The following KPNA6 variants were observed in gnomAD, a reference collection of about 807,000 sequenced individuals.
KPNA6 encodes importin subunit alpha-7.
In KPNA6, 9 loss-of-function variants were observed where a neutral mutation model predicts 72.0. That is an observed-to-expected ratio of 0.13 (90% CI 0.08 to 0.22). The LOEUF is 0.22. Ranked by LOEUF, KPNA6 falls within the 10% of genes least tolerant of loss-of-function variation. The pLI is 1.00. For synonymous variants in KPNA6, 219 were observed against 242.1 expected (o/e 0.90, Z 0.89); for missense variants, 374 against 655.7 (o/e 0.57, Z 4.69).
chr1:32,146,266 T>C (rs1641928276), intron 1 of KPNA6, among the ~76,000 whole-genome samples: 1 of 152,226 alleles, frequency 6.6e-6, no homozygotes, highest in African/African-American at 2.4e-5. Context: ...TTTTCTGCAC[T>C]TCTGTCAGAA....
intron 1 of KPNA6, among the ~76,000 whole-genome samples, chr1:32,137,694 T>C (rs973165809): frequency 1.3e-5 from 2 of 151,882 alleles, no homozygotes; most frequent in African/African-American, 4.8e-5. Flanking sequence ...AAGTGAGAGG[T>C]GATGAGGGTG....
intron 1 of KPNA6, among the ~76,000 whole-genome samples, chr1:32,135,768 A>G (rs1028726869): frequency 6.6e-5 from 10 of 151,276 alleles, no homozygotes; most frequent in African/African-American, 2.4e-4. Context: ...ATGCCTGGCC[A>G]TAGAGTTATG....
chr1:32,163,578 A>G (rs1266788057), intron 10 of KPNA6, among the ~76,000 whole-genome samples: 1 of 152,212 alleles, frequency 6.6e-6, no homozygotes, highest in Non-Finnish European at 1.5e-5. Flanking sequence ...GAATAACTGG[A>G]CTTACCACCT....
At chr1:32,124,730 C>T (rs951577324) in intron 1 of KPNA6, among the ~76,000 whole-genome samples, 32 of 151,782 alleles carry the variant, frequency 2.1e-4, no homozygotes, top group African/African-American at 7.5e-4. Flanking sequence ...TGGTCTCAGA[C>T]TCCTGAGCTC....
chr1:32,156,916 A>G lies in KPNA6; in HGVS notation c.202A>G (p.Met68Val). 1 of 1,613,996 alleles carries G rather than the reference A, an allele frequency of 6.2e-7. No homozygotes were observed. The highest frequency in any genetic ancestry group is 8.5e-7 in the Non-Finnish European group (1 of 1,179,864). Residue 68 changes from methionine to valine, a missense_variant, in exon 3 of 14, where the codon ATG (methionine) becomes GTG (valine). Physicochemically the swap from Met to Val is conservative, Grantham distance 21. Around this residue, in one of 3 missense-constraint regions of KPNA6, gnomAD observed 298 missense variants for 495.4 expected, o/e 0.60. Coordinates refer to ENST00000373625, the MANE Select transcript of KPNA6 (RefSeq NM_012316.5). ...EEAAMFDSLL[M>V]DSYVSSTTGE... The stretch of plus-strand genomic sequence containing the variant: ...AGCTGCCATGTTCGATAGTCTTCTC[A>G]TGGACTCTTATGTGAGCTCTACCAC...
intron 4 of KPNA6, among the ~76,000 whole-genome samples, chr1:32,157,932 CA>C (rs1642172866): frequency 1.3e-5 from 2 of 152,090 alleles, no homozygotes; most frequent in East Asian, 3.9e-4. Context: ...ATAGTCTTCC[CA>C]AGAAGAGAGT....
At chr1:32,152,724 A>G (rs1049984212) in intron 1 of KPNA6, among the ~76,000 whole-genome samples, 2 of 152,150 alleles carry the variant, frequency 1.3e-5, no homozygotes, top group Non-Finnish European at 2.9e-5. Flanking sequence ...GGGCGCCTGT[A>G]GTCCCAGCTA....
At chr1:32,130,019 T>A (rs1402904446) in intron 1 of KPNA6, among the ~76,000 whole-genome samples, 1 of 152,172 alleles carries the variant, frequency 6.6e-6, no homozygotes, top group Non-Finnish European at 1.5e-5. Flanking sequence ...CTGCAAGTTA[T>A]GCCTCAGTTT....
rs763008502 is a variant in KPNA6, at chr1:32,142,255, CAAAAAAAAA to C, written c.5-12315_5-12307del. The stretch of plus-strand genomic sequence containing the variant: ...TGGGTGACAGAGCGAGACCCTGTCT[CAAAAAAAAA>C]AAAAAAAAAAAAAAAAAGTTGTCAG... On this transcript the variant is annotated intron_variant, in intron 1 of 13. Transcript: ENST00000373625. Among the ~76,000 whole-genome samples the C allele has an allele frequency of 8.4e-3, 464 of 55,300 alleles. 2 individuals are homozygous for C. The highest frequency in any genetic ancestry group is 0.012 in the Non-Finnish European group (362 of 30,020). 36.3% of individuals were successfully genotyped at this position (55,300 alleles called of 152,430 possible).
intron 1 of KPNA6, among the ~76,000 whole-genome samples, chr1:32,137,170 T>TCC (rs1641748787): frequency 6.6e-6 from 1 of 152,054 alleles, no homozygotes; most frequent in East Asian, 1.9e-4. Context: ...GCATTCATCT[T>TCC]CCCCCACTTT....
chr1:32,126,086 T>C (rs1374411593), intron 1 of KPNA6, among the ~76,000 whole-genome samples: 3 of 151,836 alleles, frequency 2.0e-5, no homozygotes, highest in Admixed American at 6.6e-5. Context: ...GGGTCTTGCT[T>C]AGTTGCCTAG....
chr1:32,149,440 G>A lies in KPNA6; in HGVS notation c.5-5148G>A, dbSNP rs1334710216. On this transcript the variant is annotated intron_variant, in intron 1 of 13. Transcript: ENST00000373625. ...AGGGTCTCCCTATGTTGCCCAGGAT[G>A]GTCTCTAACTCCTGGCCTCAGGCAG... Among the ~76,000 whole-genome samples, 6 of 152,038 alleles carry A rather than the reference G, an allele frequency of 3.9e-5. No individual in the cohort carries two copies. In the East Asian group the frequency reaches 1.2e-3, roughly 29 times the overall value.
At chr1:32,167,343 C>T in intron 12 of KPNA6, 47 bp downstream of exon 12, 1 of 1,610,868 alleles carries the variant, frequency 6.2e-7, no homozygotes, top group Non-Finnish European at 8.5e-7. Flanking sequence ...GGATGCTCTC[C>T]CTGTTTGCTC....
Position 32,170,979 on chromosome 1 carries a change from C to G in KPNA6, c.*85C>G, listed in dbSNP as rs947826256. On this transcript the variant is annotated 3_prime_UTR_variant, in exon 14 of 14. Coordinates refer to ENST00000373625, the MANE Select transcript of KPNA6 (RefSeq NM_012316.5). Reference sequence around the variant, plus strand: ...CTCTGGTGGGCGGGAAACCAGTGTCCCCACCATCAGCCACCACACACCTCT... The same window carrying G: ...CTCTGGTGGGCGGGAAACCAGTGTCGCCACCATCAGCCACCACACACCTCT... The G allele has an allele frequency of 1.6e-6, 2 of 1,237,954 alleles. No homozygotes were observed. Among genetic ancestry groups the G allele is most frequent in the African/African-American group, 3.0e-5 (2 of 67,388 alleles). The allele number at this position is 1,237,954 out of a possible 1,614,324, so 76.7% of individuals were successfully genotyped here.
Position 32,170,751 on chromosome 1 carries a change from A to C in KPNA6, c.1468A>C (p.Ile490Leu). 3 of 1,614,172 alleles carry C rather than the reference A, an allele frequency of 1.9e-6. No homozygotes were observed. The highest frequency in any genetic ancestry group is 2.5e-6 in the Non-Finnish European group (3 of 1,180,024). Residue 490 changes from isoleucine (I) to leucine (L), a missense_variant, in exon 14 of 14, where the codon ATC becomes CTC. Physicochemically the swap from Ile to Leu is conservative, Grantham distance 5. Coordinates refer to ENST00000373625, the MANE Select transcript of KPNA6 (RefSeq NM_012316.5). ...EFLQSHENQE[I>L]YQKAFDLIEH... Reference sequence around the variant, plus strand: ...TCTCCAGAGCCACGAGAACCAGGAGATCTACCAGAAGGCCTTCGACCTCAT... The same window carrying C: ...TCTCCAGAGCCACGAGAACCAGGAGCTCTACCAGAAGGCCTTCGACCTCAT...
At chr1:32,108,159 G>T in intron 1 of KPNA6, 25 bp downstream of exon 1, 1 of 1,613,956 alleles carries the variant, frequency 6.2e-7, no homozygotes, top group Non-Finnish European at 8.5e-7. Context: ...CACGCAGTAG[G>T]GTTCTTGGGC....
At chr1:32,147,519 A>G (rs1641948792) in intron 1 of KPNA6, among the ~76,000 whole-genome samples, 1 of 152,058 alleles carries the variant, frequency 6.6e-6, no homozygotes, top group Non-Finnish European at 1.5e-5. Flanking sequence ...GCTGGTCTTG[A>G]ACTCCTGGGC....
In KPNA6 at chr1:32,126,944, G is replaced by A. The variant is rs1004716405; in HGVS notation, c.4+18810G>A. On this transcript the variant is annotated intron_variant, in intron 1 of 13. Coordinates refer to ENST00000373625, the MANE Select transcript of KPNA6 (RefSeq NM_012316.5). The stretch of plus-strand genomic sequence containing the variant: ...AAAATAATGGTTTTTTTCTTTGACC[G>A]TAACTTCCTGAAAATTTCCCTTATA... 2.6e-5 allele frequency among the ~76,000 whole-genome samples: 4 copies of A among 152,062 alleles called. No homozygotes were observed. In the South Asian group the frequency reaches 6.2e-4, roughly 24 times the overall value.
intron 1 of KPNA6, among the ~76,000 whole-genome samples, chr1:32,141,054 C>A (rs781618565): frequency 3.3e-5 from 5 of 152,064 alleles, no homozygotes; most frequent in Non-Finnish European, 4.4e-5. Context: ...GGAATTAATC[C>A]TGATGTTGTA....
Sources: allele counts gnomAD v4.1 joint callset (sites outside exome capture counted in the v4.1 genomes callset), GRCh38; gene constraint gnomAD v4.1.1; regional missense constraint gnomAD v4.1.1; transcripts MANE v1.5; gene names NCBI Gene and HGNC (gene_info 2026-07-23, HGNC 2026-07-21).